Variants in AGAP1 observed in about 807,000 individuals in gnomAD.
The protein encoded by AGAP1 is arf-GAP with GTPase, ANK repeat and PH domain-containing protein 1.
AGAP1 carries 29 observed loss-of-function variants against 105.3 expected under a neutral mutation model. The ratio of observed to expected loss-of-function variants is 0.28; its 90% CI spans 0.21 to 0.38. The LOEUF (loss-of-function observed/expected upper bound fraction) is 0.38, where lower values mean the gene tolerates loss of function less well. Among genes scored for constraint, AGAP1 ranks in the 10% least tolerant of loss-of-function variants. The probability of loss-of-function intolerance (pLI) is 1.00; values close to 1 mark genes in which losing one functional copy is unlikely to be tolerated. For synonymous variants in AGAP1, 509 were observed against 485.9 expected (o/e 1.05, Z -0.63); for missense variants, 998 against 1,165.1 (o/e 0.86, Z 2.09).
At chr2:235,538,668 ACCAT>A (rs1205571846) in intron 1 of AGAP1, among the ~76,000 whole-genome samples, 5 of 151,942 alleles carry the variant, frequency 3.3e-5, no homozygotes, top group African/African-American at 1.2e-4. Context: ...TTCAGGCTGA[ACCAT>A]CCTCACTCAT....
intron 1 of AGAP1, among the ~76,000 whole-genome samples, chr2:235,618,528 C>T (rs1946377216): frequency 6.6e-6 from 1 of 152,116 alleles, no homozygotes; most frequent in South Asian, 2.1e-4. Flanking sequence ...TTTTCAGTCT[C>T]AATTCAGGCA....
chr2:235,640,291 A>G (rs1947147930), intron 1 of AGAP1, among the ~76,000 whole-genome samples: 1 of 152,222 alleles, frequency 6.6e-6, no homozygotes, highest in South Asian at 2.1e-4. Flanking sequence ...TTTACCCTGC[A>G]GTTAAAAGAG....
intron 1 of AGAP1, among the ~76,000 whole-genome samples, chr2:235,542,346 G>C (rs906382945): frequency 6.6e-6 from 1 of 152,210 alleles, no homozygotes; most frequent in African/African-American, 2.4e-5. Flanking sequence ...CCCTTGTGTG[G>C]ATAAGCGGGA....
In AGAP1 at chr2:235,865,274, G is replaced by A. The variant is rs1198280291; in HGVS notation, c.1051-18071G>A. Among the ~76,000 whole-genome samples, 1 of 152,196 alleles carries A rather than the reference G, an allele frequency of 6.6e-6. No homozygotes were observed. Among genetic ancestry groups the A allele is most frequent in the African/African-American group, 2.4e-5 (1 of 41,448 alleles). On this transcript the variant is annotated intron_variant, in intron 9 of 17. Coordinates refer to ENST00000304032, the MANE Select transcript of AGAP1 (RefSeq NM_001037131.3). This position sits in a 1 kb window ranked among gnomAD's most constrained non-coding sequence, Gnocchi z 6.2. ...TCCCGGCCGGCGCTTTGAAGCCTGT[G>A]CTGTGCGATTTTCTCAGCAGTGAGG...
intron 12 of AGAP1, among the ~76,000 whole-genome samples, chr2:235,950,402 G>A (rs965488101): frequency 6.6e-6 from 1 of 151,944 alleles, no homozygotes; most frequent in Non-Finnish European, 1.5e-5. Flanking sequence ...CAAATGCCGG[G>A]AGTATATGCA....
In AGAP1 at chr2:235,930,983, A is replaced by G; in HGVS notation, c.1483+60A>G. On this transcript the variant is annotated intron_variant, in intron 12 of 17. Coordinates refer to ENST00000304032, the MANE Select transcript of AGAP1 (RefSeq NM_001037131.3). This position sits in a 1 kb window ranked among gnomAD's most constrained non-coding sequence, Gnocchi z 7.9. ...ACCTCAAGGTCCTTCGTTGTAAGCC[A>G]GGGGCTGGACAGGACGCCCTAAGCT... 1 of 1,581,286 alleles carries G rather than the reference A, an allele frequency of 6.3e-7. No homozygotes were observed. Among genetic ancestry groups the G allele is most frequent in the Non-Finnish European group, 8.6e-7 (1 of 1,162,644 alleles).
At position 235,872,167 on chromosome 2, in the gene AGAP1, A is replaced by T. The variant is rs896684871; in HGVS notation, c.1051-11178A>T. On this transcript the variant is annotated intron_variant, in intron 9 of 17. Transcript: ENST00000304032. The surrounding 1 kb of genome is among the most constrained non-coding windows in gnomAD (Gnocchi z 4.5). ...CATGAAATGAGGATAATCAATGACC[A>T]TCTGGTTGTCATGCACTTTCAGTGG... Among the ~76,000 whole-genome samples the T allele has an allele frequency of 3.3e-5, 5 of 152,184 alleles. No individual in the cohort carries two copies. The highest frequency in any genetic ancestry group is 2.0e-4 in the Admixed American group (3 of 15,286).
rs1257101372 is a variant in AGAP1, at chr2:235,557,231, G to A, written c.163+62382G>A. On this transcript the variant is annotated intron_variant, in intron 1 of 17. Transcript: ENST00000304032. The surrounding 1 kb of genome is among the most constrained non-coding windows in gnomAD (Gnocchi z 4.7). ...CCCTGGGAACTGCCACTTGGAATGA[G>A]AGGGGAAGGCTGGAACTGAGCTGGG... Among the ~76,000 whole-genome samples, 1 of 152,158 alleles carries A rather than the reference G, an allele frequency of 6.6e-6. No individual in the cohort carries two copies. The highest frequency in any genetic ancestry group is 2.4e-5 in the African/African-American group (1 of 41,448).
At chr2:235,749,398 G>C (rs560964893) in intron 5 of AGAP1, among the ~76,000 whole-genome samples, 20 of 151,890 alleles carry the variant, frequency 1.3e-4, no homozygotes, top group Admixed American at 3.3e-4. Context: ...AAAAAGCTCA[G>C]TTTCTTTTTT....
intron 1 of AGAP1, among the ~76,000 whole-genome samples, chr2:235,498,344 A>G (rs1352374106): frequency 1.3e-5 from 2 of 151,740 alleles, no homozygotes; most frequent in Admixed American, 6.6e-5. Context: ...AGTTTAAGGA[A>G]GCATTGCTGA....
intron 9 of AGAP1, among the ~76,000 whole-genome samples, chr2:235,837,071 C>T (rs1227389386): frequency 3.9e-5 from 6 of 152,134 alleles, no homozygotes; most frequent in African/African-American, 7.2e-5. Flanking sequence ...CCGCAACCTC[C>T]GCCTCCGGGG....
intron 1 of AGAP1, among the ~76,000 whole-genome samples, chr2:235,695,360 A>G (rs1949947859): frequency 3.9e-5 from 6 of 152,194 alleles, no homozygotes. Flanking sequence ...TGAAATTGGT[A>G]AAGAGAAAAA....
In AGAP1 at chr2:236,055,581, C is replaced by T. The variant is rs115703336; in HGVS notation, c.2114+6300C>T. On this transcript the variant is annotated intron_variant, in intron 16 of 17. Transcript: ENST00000304032. The surrounding 1 kb of genome is among the most constrained non-coding windows in gnomAD (Gnocchi z 6.2). ...TCAGTGGGCCTGCCCTGGCCCCAGC[C>T]GCAGAGCGGGTCCACCCTCCCAGTT... Among the ~76,000 whole-genome samples, 1,700 of 152,376 alleles carry T rather than the reference C, an allele frequency of 0.011. 27 individuals carry two copies. Among genetic ancestry groups the T allele is most frequent in the African/African-American group, 0.038 (1,560 of 41,590 alleles).
chr2:235,503,064 C>A (rs987620480), intron 1 of AGAP1, among the ~76,000 whole-genome samples: 1 of 152,158 alleles, frequency 6.6e-6, no homozygotes, highest in Admixed American at 6.5e-5. Flanking sequence ...AGCCACAAGA[C>A]CTACCCTTTT....
intron 3 of AGAP1, among the ~76,000 whole-genome samples, chr2:235,730,836 G>T (rs746455573): frequency 6.6e-6 from 1 of 152,056 alleles, no homozygotes; most frequent in South Asian, 2.1e-4. Flanking sequence ...TTACTTATTT[G>T]GTTATGTATT....
Position 235,788,463 on chromosome 2 carries a change from A to G in AGAP1, c.674-9296A>G, listed in dbSNP as rs1278166185. On this transcript the variant is annotated intron_variant, in intron 6 of 17. Coordinates refer to ENST00000304032, the MANE Select transcript of AGAP1 (RefSeq NM_001037131.3). This position sits in a 1 kb window ranked among gnomAD's most constrained non-coding sequence, Gnocchi z 6.0. The stretch of plus-strand genomic sequence containing the variant: ...GAAGGCATGGATGAGAGCAATGCTG[A>G]GGGAAGGTGAGGCAGGGTGGGGAGA... 2.0e-5 allele frequency among the ~76,000 whole-genome samples: 3 copies of G among 151,032 alleles called. No individual in the cohort carries two copies. The highest frequency in any genetic ancestry group is 7.3e-5 in the African/African-American group (3 of 41,118).
intron 12 of AGAP1, among the ~76,000 whole-genome samples, chr2:235,954,809 AGG>A (rs1370088232): frequency 6.6e-6 from 1 of 151,922 alleles, no homozygotes; most frequent in Admixed American, 6.6e-5. Context: ...TAAGCTCTTT[AGG>A]GCAGGAGCTT....
At chr2:235,520,704 A>G (rs181249421) in intron 1 of AGAP1, among the ~76,000 whole-genome samples, 1 of 152,320 alleles carries the variant, frequency 6.6e-6, no homozygotes, top group East Asian at 1.9e-4. Flanking sequence ...TAATTCTATG[A>G]AGAGTACCTT....
chr2:235,643,114 G>T (rs2149309106), intron 1 of AGAP1, among the ~76,000 whole-genome samples: 1 of 152,220 alleles, frequency 6.6e-6, no homozygotes, highest in Non-Finnish European at 1.5e-5. Flanking sequence ...AGGGGGACTG[G>T]CTGTGCATAC....
Sources: gnomAD v4.1 joint callset for allele counts (sites outside exome capture counted in the v4.1 genomes callset) on GRCh38, gnomAD v4.1.1 for gene constraint, Gnocchi (gnomAD v3.1) non-coding constraint, MANE v1.5 for transcripts, NCBI Gene and HGNC (gene_info 2026-07-23, HGNC 2026-07-21) for gene names.